AGMO: variants seen among roughly 807,000 people sequenced by gnomAD.
AGMO encodes glyceryl-ether monooxygenase.
A neutral mutation model predicts 60.2 loss-of-function variants in AGMO; 75 were observed. The ratio of observed to expected loss-of-function variants is 1.25; its 90% CI spans 1.03 to 1.51. The LOEUF (loss-of-function observed/expected upper bound fraction) is 1.51, where lower values mean the gene tolerates loss of function less well. Ranked by LOEUF, AGMO falls within the 40% of genes most tolerant of loss-of-function variation. AGMO has a pLI of 0.00. For missense variants in AGMO, 763 were observed against 525.5 expected (o/e 1.45, Z -4.42); for synonymous variants, 261 against 177.1 (o/e 1.47, Z -3.76).
chr7:15,262,622 C>A (rs1365916394), intron 12 of AGMO, among the ~76,000 whole-genome samples: 1 of 151,710 alleles, frequency 6.6e-6, no homozygotes, highest in Non-Finnish European at 1.5e-5. Context: ...TCCAAAAATT[C>A]ATATAGAACC....
intron 3 of AGMO, among the ~76,000 whole-genome samples, chr7:15,527,771 C>A (rs1410993750): frequency 6.6e-6 from 1 of 152,108 alleles, no homozygotes; most frequent in African/African-American, 2.4e-5. Flanking sequence ...TAAGATGAAG[C>A]CATTTACCAT....
chr7:15,226,507 T>C (rs1299772868), intron 12 of AGMO, among the ~76,000 whole-genome samples: 1 of 152,104 alleles, frequency 6.6e-6, no homozygotes, highest in Non-Finnish European at 1.5e-5. Flanking sequence ...CATTAACAAA[T>C]AATCCTTGAT....
chr7:15,354,220 C>A (rs1782362447), intron 12 of AGMO, among the ~76,000 whole-genome samples: 2 of 149,552 alleles, frequency 1.3e-5, no homozygotes, highest in African/African-American at 5.0e-5. Context: ...CTCAGTCCAT[C>A]AGTTATTTTC....
intron 3 of AGMO, among the ~76,000 whole-genome samples, chr7:15,530,874 T>G (rs1784299541): frequency 7.1e-6 from 1 of 140,996 alleles, no homozygotes; most frequent in African/African-American, 2.6e-5. Context: ...TGTATATAGA[T>G]GACTGTATTC....
Position 15,354,659 on chromosome 7 carries a change from A to T in AGMO, c.1263+10855T>A, listed in dbSNP as rs569940623. Among the ~76,000 whole-genome samples the T allele has an allele frequency of 3.4e-5, 5 of 147,594 alleles. No homozygotes were observed. The Admixed American group carries it at 3.4e-4, about 10-fold the overall frequency. On this transcript the variant is annotated intron_variant, in intron 12 of 12. Transcript: ENST00000342526. ...AATATTCATAAGGGTGGTAAGTGAA[A>T]GAAAACAATTTTTTAAGTGGCGGGA...
chr7:15,118,299 A>G, the AGMO span, among the ~76,000 whole-genome samples: 1 of 151,992 alleles, frequency 6.6e-6, no homozygotes, highest in African/African-American at 2.4e-5. Flanking sequence ...TTATTGGCTC[A>G]AAAATCAGAT....
intron 3 of AGMO, among the ~76,000 whole-genome samples, chr7:15,454,836 A>G (rs1482439698): frequency 3.9e-5 from 6 of 152,150 alleles, no homozygotes; most frequent in Non-Finnish European, 5.9e-5. Flanking sequence ...TAAATTTTAC[A>G]TAAGGCATAT....
the AGMO span, among the ~76,000 whole-genome samples, chr7:15,155,119 A>G: frequency 1.3e-5 from 2 of 152,002 alleles, no homozygotes; most frequent in South Asian, 2.1e-4. Flanking sequence ...GGTTCCCTGA[A>G]TTTCCTGAAT....
At chr7:15,127,100 T>G in the AGMO span, among the ~76,000 whole-genome samples, 1 of 152,082 alleles carries the variant, frequency 6.6e-6, no homozygotes, top group Admixed American at 6.6e-5. Flanking sequence ...ACCAAACCAA[T>G]GTATTTCTTA....
chr7:15,133,557 A>G, the AGMO span, among the ~76,000 whole-genome samples: 8,981 of 152,228 alleles, frequency 0.059, 383 homozygotes, highest in African/African-American at 0.12. Flanking sequence ...AGTCAGTGGC[A>G]TCAATAAAAA....
the AGMO span, among the ~76,000 whole-genome samples, chr7:15,154,676 TA>T: frequency 7.2e-5 from 11 of 152,286 alleles, no homozygotes; most frequent in African/African-American, 2.6e-4. Context: ...TAGACTTGAT[TA>T]TATAGTTGCT....
chr7:15,222,836 T>C (rs1781961940), intron 12 of AGMO, among the ~76,000 whole-genome samples: 1 of 152,044 alleles, frequency 6.6e-6, no homozygotes, highest in South Asian at 2.1e-4. Context: ...TATACTTTAG[T>C]GTTCATTTCT....
chr7:15,306,667 A>G (rs1780624149), intron 12 of AGMO: 1 of 339,750 alleles, frequency 2.9e-6, no homozygotes, highest in Non-Finnish European at 5.8e-6. Flanking sequence ...TAATGCTTCA[A>G]ATAGTTAGAT....
intron 12 of AGMO, among the ~76,000 whole-genome samples, chr7:15,255,850 T>C (rs545726639): frequency 1.3e-5 from 2 of 152,314 alleles, no homozygotes; most frequent in Admixed American, 1.3e-4. Context: ...ATTGGCCAGG[T>C]TGTGGTTTTG....
At chr7:15,388,030 C>G (rs984131600) in intron 8 of AGMO, among the ~76,000 whole-genome samples, 8 of 151,740 alleles carry the variant, frequency 5.3e-5, no homozygotes, top group African/African-American at 1.9e-4. Context: ...GCCTCAGCCT[C>G]CTGAGTAGCT....
At chr7:15,170,019 G>A in the AGMO span, among the ~76,000 whole-genome samples, 20 of 152,212 alleles carry the variant, frequency 1.3e-4, no homozygotes, top group Non-Finnish European at 2.1e-4. Flanking sequence ...GTTAGGGATG[G>A]GTACAGTTAC....
chr7:15,430,448 C>A, intron 4 of AGMO, among the ~76,000 whole-genome samples: 1 of 151,660 alleles, frequency 6.6e-6, no homozygotes. Context: ...CAAAAGAACT[C>A]TACAAGTAGA....
intron 12 of AGMO, among the ~76,000 whole-genome samples, chr7:15,299,835 AC>A (rs1356935490): frequency 3.3e-5 from 1 of 30,556 alleles, no homozygotes; most frequent in East Asian, 1.3e-3. Flanking sequence ...CTACATACAC[AC>A]ACACACACAC....
chr7:15,181,065 G>A, the AGMO span, among the ~76,000 whole-genome samples: 1 of 152,004 alleles, frequency 6.6e-6, no homozygotes. Flanking sequence ...TATTCATGAG[G>A]GCAGATCCCT....
Sources: gnomAD v4.1 joint callset for allele counts (sites outside exome capture counted in the v4.1 genomes callset) on GRCh38, gnomAD v4.1.1 for gene constraint, MANE v1.5 for transcripts, NCBI Gene and HGNC (gene_info 2026-07-23, HGNC 2026-07-21) for gene names.